Variants in CENPU observed in about 807,000 individuals in gnomAD.
CENPU encodes centromere protein U, also known as KSHV latent nuclear antigen interacting protein 1.
Under a neutral mutation model 56.7 loss-of-function variants are expected in CENPU, and 46 were observed. The observed-to-expected ratio is 0.81, with a 90% CI of 0.64 to 1.04. CENPU has a LOEUF of 1.04. CENPU is among the 50% of genes least tolerant of loss of function. The pLI, the probability that CENPU is intolerant of heterozygous loss-of-function variation, is 0.00. For synonymous variants in CENPU, 166 were observed against 163.0 expected (o/e 1.02, Z -0.14); for missense variants, 510 against 490.1 (o/e 1.04, Z -0.38).
intron 8 of CENPU, among the ~76,000 whole-genome samples, chr4:184,706,702 T>G (rs1489853787): frequency 2.0e-5 from 3 of 152,240 alleles, no homozygotes; most frequent in Admixed American, 6.5e-5. Context: ...GTGAAGTGTT[T>G]CACGTGGCTG....
Position 184,702,353 on chromosome 4 carries a change from G to C in CENPU, c.876+10C>G. 1 of 1,609,664 alleles carries C rather than the reference G, an allele frequency of 6.2e-7. No homozygotes were observed. The highest frequency in any genetic ancestry group is 1.1e-5 in the South Asian group (1 of 89,944). ...ACCTTAGACCAACAAATGCATGTCC[G>C]TGAGCTTACCATTTTGATGAATTGT... is the stretch of plus-strand genomic sequence containing the variant. On this transcript the variant is annotated intron_variant, in intron 9 of 12. Transcript: ENST00000281453.
intron 8 of CENPU, among the ~76,000 whole-genome samples, chr4:184,708,819 T>C (rs959768125): frequency 1.3e-5 from 2 of 152,186 alleles, no homozygotes; most frequent in East Asian, 1.9e-4. Flanking sequence ...AATACTTATC[T>C]ACAGGATATT....
chr4:184,729,325 A>C (rs895753959), intron 2 of CENPU, among the ~76,000 whole-genome samples: 4 of 152,218 alleles, frequency 2.6e-5, no homozygotes, highest in African/African-American at 9.6e-5. Context: ...AACCTAAGGC[A>C]TGGATTGGCA....
At chr4:184,697,537 G>C (rs1579752483) in intron 12 of CENPU, 110 bp downstream of exon 12, 1 of 739,084 alleles carries the variant, frequency 1.4e-6, no homozygotes, top group South Asian at 1.8e-5. Flanking sequence ...GGTGGACTCT[G>C]TAATTCTGTA....
chr4:184,723,841 CAAAAAAAAAAAAAAA>C (rs11299367), intron 4 of CENPU, among the ~76,000 whole-genome samples: 8 of 58,448 alleles, frequency 1.4e-4, no homozygotes, highest in African/African-American at 6.1e-4. Context: ...GACTCCATCT[CAAAAAAAAAAAAAAA>C]AAAAAAAAAA....
chr4:184,700,839 C>A lies in CENPU; in HGVS notation c.967G>T (p.Val323Phe). 1 of 1,613,920 alleles carries A rather than the reference C, an allele frequency of 6.2e-7. No individual in the cohort carries two copies. Among genetic ancestry groups the A allele is most frequent in the Non-Finnish European group, 8.5e-7 (1 of 1,179,792 alleles). The change falls in exon 11 of 13, where the codon GTC (valine) becomes TTC (phenylalanine). Residue 323 changes from valine to phenylalanine, a missense_variant. Physicochemically the swap from Val to Phe is conservative, Grantham distance 50. Coordinates refer to ENST00000281453, the MANE Select transcript of CENPU (RefSeq NM_024629.4). ...TCTTACCGAAGCAGTTCATCCTGGA[C>A]TTCAATCATACGCTGCCTTTTCTTT... ...IEKKRQRMIE[V>F]QDELLRLEPQ...
chr4:184,699,787 A>C (rs1353359716), intron 11 of CENPU, among the ~76,000 whole-genome samples: 1 of 151,890 alleles, frequency 6.6e-6, no homozygotes. Context: ...CAACCTCCCG[A>C]GTAGCTTGGA....
At chr4:184,714,344 A>T (rs1244566284) in intron 6 of CENPU, among the ~76,000 whole-genome samples, 1 of 152,158 alleles carries the variant, frequency 6.6e-6, no homozygotes, top group Non-Finnish European at 1.5e-5. Flanking sequence ...AACTGGAGAG[A>T]GGGACAGGTA....
In CENPU at chr4:184,697,667, C is replaced by T. The variant is rs773323836; in HGVS notation, c.1123G>A (p.Glu375Lys). 4.3e-6 allele frequency: 7 copies of T among 1,612,816 alleles called. No homozygotes were observed. The highest frequency in any genetic ancestry group is 5.1e-6 in the Non-Finnish European group (6 of 1,179,680). The stretch of plus-strand genomic sequence containing the variant: ...GTTACCGTTTCCTTTACGTTTGGTT[C>T]TTGAGCTTGAACATCTGAATAATCT... The part of the protein sequence containing the change: ...YQDYSDVQAQ[E>K]PNVKETYDSS... Residue 375 changes from glutamate (E) to lysine (K), a missense_variant, in exon 12 of 13, where the codon GAA (glutamate) becomes AAA (lysine). Glu to Lys is a moderately conservative substitution (Grantham distance 56). Coordinates refer to ENST00000281453, the MANE Select transcript of CENPU (RefSeq NM_024629.4).
intron 11 of CENPU, among the ~76,000 whole-genome samples, chr4:184,700,574 T>C (rs1421034931): frequency 1.3e-5 from 2 of 152,230 alleles, no homozygotes; most frequent in Non-Finnish European, 2.9e-5. Flanking sequence ...AGCTGAATTC[T>C]AGAATCTAGG....
At chr4:184,698,031 G>A in intron 11 of CENPU, 2 of 451,282 alleles carry the variant, frequency 4.4e-6, no homozygotes, top group Non-Finnish European at 7.8e-6. Flanking sequence ...GATATCCACA[G>A]AAGAATATTC....
At chr4:184,729,706 C>A (rs1404472659) in intron 2 of CENPU, among the ~76,000 whole-genome samples, 1 of 152,146 alleles carries the variant, frequency 6.6e-6, no homozygotes, top group Non-Finnish European at 1.5e-5. Context: ...GCCCATATAC[C>A]CAAAAGTTCA....
chr4:184,702,502 G>T, intron 8 of CENPU, 61 bp from the exon 9 acceptor site: 2 of 1,231,712 alleles, frequency 1.6e-6, no homozygotes, highest in Non-Finnish European at 2.3e-6. Flanking sequence ...TGTTTCATTT[G>T]CTTAGCATAC....
At chr4:184,706,839 A>G (rs952707700) in intron 8 of CENPU, among the ~76,000 whole-genome samples, 2 of 152,200 alleles carry the variant, frequency 1.3e-5, no homozygotes, top group African/African-American at 4.8e-5. Context: ...CTTCTAAATC[A>G]TTTCTTATAT....
At chr4:184,700,236 G>A (rs1170215703) in intron 11 of CENPU, among the ~76,000 whole-genome samples, 2 of 152,168 alleles carry the variant, frequency 1.3e-5, no homozygotes, top group Non-Finnish European at 2.9e-5. Flanking sequence ...AAGTTCACCT[G>A]GCCCACACTT....
At chr4:184,705,636 G>C (rs565385802) in intron 8 of CENPU, among the ~76,000 whole-genome samples, 58 of 152,166 alleles carry the variant, frequency 3.8e-4, no homozygotes, top group African/African-American at 1.4e-3. Context: ...CATGAATAAT[G>C]AGGTATTTCT....
intron 4 of CENPU, among the ~76,000 whole-genome samples, chr4:184,719,862 A>T (rs546445853): frequency 1.3e-5 from 2 of 152,320 alleles, no homozygotes; most frequent in Admixed American, 1.3e-4. Context: ...GCAGATCACA[A>T]CACCTAAGTC....
chr4:184,733,284 G>A, intron 1 of CENPU: 1 of 982,186 alleles, frequency 1.0e-6, no homozygotes, highest in Non-Finnish European at 1.2e-6. Flanking sequence ...CCCTAACCCC[G>A]CATCTACCAG....
chr4:184,731,881 C>CTGTGTGTGTG (rs1491100516), intron 1 of CENPU, among the ~76,000 whole-genome samples: 32 of 25,604 alleles, frequency 1.2e-3, no homozygotes, highest in African/African-American at 3.9e-3. Flanking sequence ...TACTCATGTG[C>CTGTGTGTGTG]TCTGTGTGTG....
Sources: gnomAD v4.1 joint callset for allele counts (sites outside exome capture counted in the v4.1 genomes callset) on GRCh38, gnomAD v4.1.1 for gene constraint, MANE v1.5 for transcripts, NCBI Gene and HGNC (gene_info 2026-07-23, HGNC 2026-07-21) for gene names.